The following CCDC154 variants were observed in gnomAD, a reference collection of about 807,000 sequenced individuals.
The protein encoded by CCDC154 is coiled-coil domain-containing protein 154.
In CCDC154, 91 loss-of-function variants were observed where a neutral mutation model predicts 87.5. That is an observed-to-expected ratio of 1.04 (90% CI 0.88 to 1.24). CCDC154 has a LOEUF of 1.24. Among genes scored for constraint, CCDC154 ranks in the 50% most tolerant of loss-of-function variants. The pLI, the probability that CCDC154 is intolerant of heterozygous loss-of-function variation, is 0.00. For missense variants in CCDC154, 903 were observed against 879.2 expected (o/e 1.03, Z -0.34); for synonymous variants, 418 against 400.4 (o/e 1.04, Z -0.52).
At chr16:1,436,410 G>GC (rs1290602376) in intron 13 of CCDC154, 35 bp downstream of exon 13, 2 of 1,506,070 alleles carry the variant, frequency 1.3e-6, no homozygotes, top group East Asian at 4.9e-5. Context: ...GGTCAGCAGA[G>GC]CCCCTGCCCC....
Position 1,443,295 on chromosome 16 carries a change from C to G in CCDC154, c.421G>C (p.Gly141Arg). ...AGGGCCTGCATCTGGTTCTGGAGAC[C>G]AGAGAACTGCGAGGAGGAAGAGGAG... ...APEKEAPEFS[G>R]LQNQMQALDK... The change falls in exon 4 of 17, where the codon GGT becomes CGT. Residue 141 changes from glycine to arginine, a missense_variant. By Grantham distance (125) the Gly-to-Arg change is moderately radical. Coordinates refer to ENST00000389176, the MANE Select transcript of CCDC154 (RefSeq NM_001143980.3). 6.5e-7 allele frequency: 1 copy of G among 1,549,020 alleles called. No homozygotes were observed.
At chr16:1,444,182 C>T (rs763535463) in intron 1 of CCDC154, 134 bp downstream of exon 1, 3 of 1,087,644 alleles carry the variant, frequency 2.8e-6, no homozygotes, top group Non-Finnish European at 2.4e-6. Context: ...GTCCAGGGCC[C>T]TGCCTGAAGA....
intron 16 of CCDC154, 28 bp from the exon 17 acceptor site, chr16:1,434,562 T>G (rs1278096536): frequency 7.2e-5 from 92 of 1,276,150 alleles, no homozygotes; most frequent in Non-Finnish European, 9.1e-5. Flanking sequence ...ACATGGCCCC[T>G]GCACCCCCGC....
chr16:1,443,078 T>C, intron 4 of CCDC154, 103 bp from the exon 5 acceptor site: 3 of 1,437,408 alleles, frequency 2.1e-6, no homozygotes, highest in Non-Finnish European at 2.9e-6. Flanking sequence ...CCCATGGCTT[T>C]CCTGGGCCTC....
rs200457076 is a variant in CCDC154 at position 1,440,177 on chromosome 16, A to C, written c.676-1051T>G. On this transcript the variant is annotated intron_variant, in intron 6 of 16. Coordinates refer to ENST00000389176, the MANE Select transcript of CCDC154 (RefSeq NM_001143980.3). ...AAAAAAAAAAAAAAATGGCCGGGCG[A>C]GGTGGCTCACGCCTGAAATCCCAAC... 5.5e-4 allele frequency among the ~76,000 whole-genome samples: 80 copies of C among 144,858 alleles called. No individual in the cohort carries two copies. The East Asian group carries it at 0.014, about 26-fold the overall frequency.
chr16:1,435,671 A>G (rs184227363), intron 14 of CCDC154, among the ~76,000 whole-genome samples: 106 of 152,284 alleles, frequency 7.0e-4, no homozygotes, highest in Admixed American at 1.8e-3. Flanking sequence ...GACTACAGGC[A>G]TGCGCCACCA....
Position 1,435,092 on chromosome 16 carries a change from C to T in CCDC154, c.1689G>A (p.Arg563=). The T allele has an allele frequency of 6.5e-7, 1 of 1,549,350 alleles. No homozygotes were observed. The highest frequency in any genetic ancestry group is 2.4e-5 in the East Asian group (1 of 40,920). Residue 563 remains arginine, a synonymous_variant, in exon 15 of 17, where the codon CGG becomes CGA. Transcript: ENST00000389176. ...IQNLRFNTEA[R]LRTQEMATLW... ...CGGCCGGGCAAGGCCTCCTCACCAGCCGGGCCTCAGTGTTGAACCTGAGGT... is the reference window on the plus strand; with the variant it reads ...CGGCCGGGCAAGGCCTCCTCACCAGTCGGGCCTCAGTGTTGAACCTGAGGT...
intron 13 of CCDC154, 82 bp downstream of exon 13, chr16:1,436,363 G>T: frequency 8.3e-7 from 1 of 1,204,218 alleles, no homozygotes; most frequent in Non-Finnish European, 1.2e-6. Context: ...CCAGGGGATT[G>T]TGGAGAGTAG....
At chr16:1,435,456 A>C (rs935856028) in intron 14 of CCDC154, 1 of 550,038 alleles carries the variant, frequency 1.8e-6, no homozygotes, top group African/African-American at 1.9e-5. Flanking sequence ...AGGTGCCTCC[A>C]CTTAGAACTG....
Position 1,439,334 on chromosome 16 carries a change from T to A in CCDC154, c.676-208A>T. 5.1e-6 allele frequency: 3 copies of A among 589,236 alleles called. No homozygotes were observed. The East Asian group carries it at 8.4e-5, about 17-fold the overall frequency. 36.5% of individuals were successfully genotyped at this position (589,236 alleles called of 1,614,324 possible). On this transcript the variant is annotated intron_variant, in intron 6 of 16. Coordinates refer to ENST00000389176, the MANE Select transcript of CCDC154 (RefSeq NM_001143980.3). ...CCAGACGACCAACCAGGCATGGGTT[T>A]GTGAAGCATGAGAAGGCCACGCTCA...
In CCDC154 at chr16:1,437,959, A is replaced by AG; in HGVS notation, c.1153-6dup. 1 of 1,545,606 alleles carries AG rather than the reference A, an allele frequency of 6.5e-7. No individual in the cohort carries two copies. Among genetic ancestry groups the AG allele is most frequent in the Non-Finnish European group, 8.7e-7 (1 of 1,144,672 alleles). ...AGCCCGGCTCTTCTCTCGGAGCTGC[A>AG]GGGGACAGGTGGGCACGGGGAGGCC... On this transcript the variant is annotated splice_polypyrimidine_tract_variant and splice_region_variant and intron_variant, in intron 10 of 16. Transcript: ENST00000389176.
rs1007726219 is a variant in CCDC154 at position 1,439,254 on chromosome 16, G to A, written c.676-128C>T. On this transcript the variant is annotated intron_variant, in intron 6 of 16. Coordinates refer to ENST00000389176, the MANE Select transcript of CCDC154 (RefSeq NM_001143980.3). Reference sequence around the variant, plus strand: ...CCAAGCCCTGAGCCCGGCTGAGCTGGGCCTGCCACACCCTCAGCCGGAAGA... The same window carrying A: ...CCAAGCCCTGAGCCCGGCTGAGCTGAGCCTGCCACACCCTCAGCCGGAAGA... The A allele has an allele frequency of 4.8e-5, 40 of 836,770 alleles. No individual in the cohort carries two copies. The Middle Eastern group carries it at 1.4e-3, about 30-fold the overall frequency. The allele number at this position is 836,770 out of a possible 1,614,324, so 51.8% of individuals were successfully genotyped here. A position where few individuals can be genotyped will look rare whatever the true frequency, so the allele number is the denominator to read the frequency against.
Position 1,444,006 on chromosome 16 carries a change from G to C in CCDC154, c.14C>G (p.Ala5Gly). 2 of 1,299,464 alleles carry C rather than the reference G, an allele frequency of 1.5e-6. No individual in the cohort carries two copies. The highest frequency in any genetic ancestry group is 2.0e-6 in the Non-Finnish European group (2 of 988,866). 80.5% of individuals were successfully genotyped at this position (1,299,464 alleles called of 1,614,324 possible). A position where few individuals can be genotyped will look rare whatever the true frequency, so the allele number is the denominator to read the frequency against. Residue 5 changes from alanine (A) to glycine (G), a missense_variant, in exon 2 of 17, where the codon GCT becomes GGT. Transcript: ENST00000389176. ...CGATGCCCCTGAGGGTCCACTGTCA[G>C]CCAACTCTACAAGGAGGCATCTTGG... MSEL[A>G]DSGPSGASAP...
At chr16:1,435,239 G>T in intron 14 of CCDC154, 64 bp from the exon 15 acceptor site, 2 of 1,407,578 alleles carry the variant, frequency 1.4e-6, no homozygotes, top group Non-Finnish European at 2.0e-6. Flanking sequence ...TGTCCCCACA[G>T]GCACCCCGAT....
rs1368018661 is a variant in CCDC154, at chr16:1,435,174, A to C, written c.1607T>G (p.Phe536Cys). ...TTCCAGCTTCATTATTTGGTTCTGA[A>C]ACTAAACATGGCCCCCATTTGGGCA... ...IAEMQGKLAT[F>C]QNQIMKLENC... The change falls in exon 15 of 17, where the codon TTT becomes TGT. Residue 536 changes from phenylalanine (F) to cysteine (C), a missense_variant and splice_region_variant. Phe to Cys is a radical substitution (Grantham distance 205). Coordinates refer to ENST00000389176, the MANE Select transcript of CCDC154 (RefSeq NM_001143980.3). 6.5e-7 allele frequency: 1 copy of C among 1,550,352 alleles called. No individual in the cohort carries two copies. The highest frequency in any genetic ancestry group is 8.7e-7 in the Non-Finnish European group (1 of 1,146,834).
At chr16:1,444,149 C>A in intron 1 of CCDC154, 137 bp from the exon 2 acceptor site, 2 of 1,007,750 alleles carry the variant, frequency 2.0e-6, no homozygotes, top group South Asian at 3.0e-5. Flanking sequence ...CACACAGGAT[C>A]CAGACGGGCT....
intron 11 of CCDC154, among the ~76,000 whole-genome samples, 162 bp from the exon 12 acceptor site, chr16:1,436,973 G>A (rs2142351547): frequency 6.6e-6 from 1 of 152,350 alleles, no homozygotes; most frequent in Middle Eastern, 3.4e-3. Context: ...GGCCTGGCCG[G>A]GCACGCTCTG....
chr16:1,434,858 G>T lies in CCDC154; in HGVS notation c.1693-6C>A, dbSNP rs1297295760. 6.6e-5 allele frequency: 99 copies of T among 1,490,426 alleles called. No homozygotes were observed. Among genetic ancestry groups the T allele is most frequent in the Non-Finnish European group, 8.7e-5 (98 of 1,121,590 alleles). The allele number at this position is 1,490,426 out of a possible 1,614,324, so 92.3% of individuals were successfully genotyped here. A position where few individuals can be genotyped will look rare whatever the true frequency, so the allele number is the denominator to read the frequency against. The stretch of plus-strand genomic sequence containing the variant: ...GTGGCCATCTCCTGCGTGCGCTGTG[G>T]GACGGGGATGCTGGTGTCACCCAGG... On this transcript the variant is annotated splice_region_variant and splice_polypyrimidine_tract_variant and intron_variant, in intron 15 of 16. Coordinates refer to ENST00000389176, the MANE Select transcript of CCDC154 (RefSeq NM_001143980.3).
At chr16:1,440,467 GGAAGAGAAGA>G (rs928802346) in intron 6 of CCDC154, among the ~76,000 whole-genome samples, 7 of 148,564 alleles carry the variant, frequency 4.7e-5, no homozygotes, top group Non-Finnish European at 7.4e-5. Context: ...AAAAGAGAAG[GGAAGAGAAGA>G]GAAGAGAAGA....
Sources: gnomAD v4.1 joint callset for allele counts (sites outside exome capture counted in the v4.1 genomes callset) on GRCh38, gnomAD v4.1.1 for gene constraint, MANE v1.5 for transcripts, NCBI Gene and HGNC (gene_info 2026-07-23, HGNC 2026-07-21) for gene names.